The following MYH15 variants were observed in gnomAD, a reference collection of about 807,000 sequenced individuals.
MYH15 encodes the protein myosin-15.
A neutral mutation model predicts 240.5 loss-of-function variants in MYH15; 227 were observed. The ratio of observed to expected loss-of-function variants is 0.94; its 90% CI spans 0.85 to 1.05. The LOEUF (loss-of-function observed/expected upper bound fraction) is 1.05, where lower values mean the gene tolerates loss of function less well. Ranked by LOEUF, MYH15 falls within the 50% of genes least tolerant of loss-of-function variation. MYH15 has a pLI of 0.00. For synonymous variants in MYH15, 785 were observed against 796.7 expected (o/e 0.99, Z 0.25); for missense variants, 2,217 against 2,247.5 (o/e 0.99, Z 0.27).
intron 10 of MYH15, 53 bp from the exon 11 acceptor site, chr3:108,485,282 G>T: frequency 6.3e-7 from 1 of 1,598,052 alleles, no homozygotes. Context: ...TGGCTGCAGT[G>T]AGCACCTCAC....
chr3:108,441,921 T>G (rs1321613063), intron 22 of MYH15, among the ~76,000 whole-genome samples: 2 of 152,230 alleles, frequency 1.3e-5, no homozygotes, highest in Non-Finnish European at 2.9e-5. Context: ...TCACAGGCAC[T>G]GCCTCCAGCT....
intron 1 of MYH15, among the ~76,000 whole-genome samples, chr3:108,518,362 C>G (rs1405685154): frequency 6.6e-6 from 1 of 152,180 alleles, no homozygotes; most frequent in African/African-American, 2.4e-5. Context: ...TCAAAACCAT[C>G]TCCATCTTTC....
At chr3:108,414,209 A>G in intron 30 of MYH15, 23 bp downstream of exon 30, 1 of 1,607,184 alleles carries the variant, frequency 6.2e-7, no homozygotes, top group South Asian at 1.1e-5. Flanking sequence ...ACTCCAGGTT[A>G]AGGATAGCCT....
chr3:108,488,852 A>AT (rs2083325799), intron 9 of MYH15, among the ~76,000 whole-genome samples: 1 of 152,162 alleles, frequency 6.6e-6, no homozygotes, highest in Non-Finnish European at 1.5e-5. Flanking sequence ...CTTTTGAGTG[A>AT]CTTTCATACC....
chr3:108,417,816 CACACACACACATATACACACTTAA>C lies in MYH15; in HGVS notation c.3830-910_3830-887del, dbSNP rs1424908685. Among the ~76,000 whole-genome samples, 4 of 152,014 alleles carry C rather than the reference CACACACACACATATACACACTTAA, an allele frequency of 2.6e-5. No individual in the cohort carries two copies. In the East Asian group the frequency reaches 7.8e-4, roughly 30 times the overall value. The stretch of plus-strand genomic sequence containing the variant: ...ATATATACACACACACACACACACA[CACACACACACATATACACACTTAA>C]ACACACACATATATACACACCTATA... On this transcript the variant is annotated intron_variant, in intron 28 of 40. Coordinates refer to ENST00000693548, the MANE Select transcript of MYH15 (RefSeq NM_014981.3).
At chr3:108,543,859 T>C in the MYH15 span, 5 of 152,384 alleles carry the variant, frequency 3.3e-5, no homozygotes, top group East Asian at 7.7e-4. Flanking sequence ...GATCATGCCA[T>C]TCTGGCAGGG....
the MYH15 span, among the ~76,000 whole-genome samples, chr3:108,545,033 A>G: frequency 6.6e-6 from 1 of 152,194 alleles, no homozygotes; most frequent in Non-Finnish European, 1.5e-5. Context: ...TAAAGAAGTA[A>G]CAATGTACAA....
chr3:108,417,330 C>A (rs1416281627), intron 28 of MYH15, among the ~76,000 whole-genome samples: 1 of 152,156 alleles, frequency 6.6e-6, no homozygotes, highest in Non-Finnish European at 1.5e-5. Context: ...GAAACATACA[C>A]AGTTCGTAAT....
chr3:108,444,956 A>T, intron 21 of MYH15, 61 bp from the exon 22 acceptor site: 1 of 1,502,990 alleles, frequency 6.7e-7, no homozygotes, highest in Non-Finnish European at 8.9e-7. Context: ...ATTAGTTCCC[A>T]AATTAAGATC....
intron 20 of MYH15, among the ~76,000 whole-genome samples, chr3:108,454,581 T>C (rs1223852158): frequency 1.3e-5 from 2 of 152,120 alleles, no homozygotes; most frequent in Non-Finnish European, 2.9e-5. Flanking sequence ...TTTTAAACAA[T>C]TCGTGAACCA....
chr3:108,440,696 CAA>C (rs35672120), intron 23 of MYH15, among the ~76,000 whole-genome samples: 91 of 140,102 alleles, frequency 6.5e-4, no homozygotes, highest in African/African-American at 2.2e-3. Flanking sequence ...CCTCTCCTTC[CAA>C]AAAAAAAAAA....
chr3:108,383,536 A>G, intron 40 of MYH15, 59 bp downstream of exon 40: 6 of 1,548,500 alleles, frequency 3.9e-6, no homozygotes, highest in Non-Finnish European at 5.3e-6. Context: ...CCATGCAATG[A>G]CATCAGCCCT....
chr3:108,530,277 T>C (rs1223932491), upstream of MYH15, among the ~76,000 whole-genome samples: 1 of 152,210 alleles, frequency 6.6e-6, no homozygotes, highest in African/African-American at 2.4e-5. Context: ...AATACAAATA[T>C]ATCTACCACC....
chr3:108,529,368 C>T, upstream of MYH15: 1 of 938,550 alleles, frequency 1.1e-6, no homozygotes, highest in South Asian at 1.5e-5. Context: ...AGGAAGGCAA[C>T]ATTATGTTGA....
rs149156995 is a variant in MYH15, at chr3:108,505,324, A to C, written c.195+399T>G. On this transcript the variant is annotated intron_variant, in intron 2 of 40. Coordinates refer to ENST00000693548, the MANE Select transcript of MYH15 (RefSeq NM_014981.3). ...TCTCACTCTGGTTGCCCAGGAGTGC[A>C]GTGATGTGATCTCTGCTCACTGCAA... is the stretch of plus-strand genomic sequence containing the variant. Among the ~76,000 whole-genome samples the C allele has an allele frequency of 2.7e-3, 415 of 152,198 alleles. 2 individuals are homozygous for C. The highest frequency in any genetic ancestry group is 9.4e-3 in the African/African-American group (392 of 41,530).
rs200238777 is a variant in MYH15 at position 108,485,126 on chromosome 3, G to T, written c.1079C>A (p.Pro360His). Residue 360 changes from proline (P) to histidine (H), a missense_variant, in exon 11 of 41, where the codon CCT becomes CAT. By Grantham distance (77) the Pro-to-His change is moderately conservative. Transcript: ENST00000693548. ...HFGNMKFKQK[P>H]REEQLEADGT... ...ATCTGCTTCCAGTTGCTCTTCTCTA[G>T]GTTTCTGTTTAAATTTCATATTTCC... 44 of 1,613,948 alleles carry T rather than the reference G, an allele frequency of 2.7e-5. No homozygotes were observed. The African/African-American group carries it at 5.6e-4, about 21-fold the overall frequency.
rs1265430678 is a variant in MYH15, at chr3:108,384,703, T to G, written c.5615A>C (p.Gln1872Pro). The G allele has an allele frequency of 1.2e-6, 2 of 1,613,656 alleles. No homozygotes were observed. Among genetic ancestry groups the G allele is most frequent in the East Asian group, 2.2e-5 (1 of 44,876 alleles). The change falls in exon 39 of 41, where the codon CAG becomes CCG. Residue 1872 changes from glutamine to proline, a missense_variant. Coordinates refer to ENST00000693548, the MANE Select transcript of MYH15 (RefSeq NM_014981.3). ...KLQLKVQNYK[Q>P]QVEVAETQAN... ...GGCACTCACCGCCACCTCGACTTGC[T>G]GCTTGTAATTTTGCACTTTTAGCTG...
rs191820036 is a variant in MYH15 at position 108,398,991 on chromosome 3, T to C, written c.4929+84A>G. On this transcript the variant is annotated intron_variant, in intron 34 of 40. Transcript: ENST00000693548. ...GATTTGTTGTCCTCATCTTTACTGC[T>C]GAACACAATCTGTTGCTTAGTTTGC... 247 of 1,498,932 alleles carry C rather than the reference T, an allele frequency of 1.6e-4. 1 individual carries two copies. In the East Asian group the frequency reaches 5.5e-3, roughly 33 times the overall value. The allele number at this position is 1,498,932 out of a possible 1,614,324, so 92.9% of individuals were successfully genotyped here. A position where few individuals can be genotyped will look rare whatever the true frequency, so the allele number is the denominator to read the frequency against.
chr3:108,471,996 A>G (rs2083182160), intron 12 of MYH15, among the ~76,000 whole-genome samples: 1 of 152,202 alleles, frequency 6.6e-6, no homozygotes, highest in Admixed American at 6.5e-5. Context: ...GGATCTTCCT[A>G]GCCTTAGCTT....
Sources: gnomAD v4.1 joint callset for allele counts (sites outside exome capture counted in the v4.1 genomes callset) on GRCh38, gnomAD v4.1.1 for gene constraint, MANE v1.5 for transcripts, NCBI Gene and HGNC (gene_info 2026-07-23, HGNC 2026-07-21) for gene names.